Variants in TSHZ3 observed in about 807,000 individuals in gnomAD.
The protein encoded by TSHZ3 is teashirt zinc finger homeobox 3.
In TSHZ3, 10 loss-of-function variants were observed where a neutral mutation model predicts 64.5. The observed-to-expected ratio is 0.16, with a 90% CI of 0.10 to 0.26. TSHZ3 has a LOEUF of 0.26. Ranked by LOEUF, TSHZ3 falls within the 10% of genes least tolerant of loss-of-function variation. The pLI is 1.00. For missense variants in TSHZ3, 1,242 were observed against 1,421.7 expected, an observed-to-expected ratio of 0.87 and a Z score of 2.03; for synonymous variants, 608 against 593.1, an observed-to-expected ratio of 1.03 and a Z score of -0.36.
chr19:31,151,783 C>T (rs1036073470), intron 6 of TSHZ3, among the ~76,000 whole-genome samples: 2 of 152,172 alleles, frequency 1.3e-5, no homozygotes, highest in Non-Finnish European at 2.9e-5. Flanking sequence ...AAAATACACT[C>T]GTGAAATTCA....
chr19:31,228,823 C>T (rs545752004), intron 3 of TSHZ3, among the ~76,000 whole-genome samples: 5 of 152,024 alleles, frequency 3.3e-5, no homozygotes, highest in Non-Finnish European at 7.4e-5. Context: ...ATTTGTAGAC[C>T]CTGGTATTTG....
chr19:31,162,136 A>T (rs1353747659), intron 5 of TSHZ3, among the ~76,000 whole-genome samples: 1 of 152,056 alleles, frequency 6.6e-6, no homozygotes, highest in Non-Finnish European at 1.5e-5. Context: ...TGCTCCCCTG[A>T]TTTTATTCTC....
intron 5 of TSHZ3, among the ~76,000 whole-genome samples, chr19:31,171,624 C>T (rs1048365285): frequency 1.3e-5 from 2 of 151,714 alleles, no homozygotes; most frequent in African/African-American, 4.8e-5. Context: ...AAAAAAAAAC[C>T]CATAAACCTC....
rs201684921 is a variant in TSHZ3, at chr19:31,250,615, A to AT, written n.64-7741dup. Among the ~76,000 whole-genome samples, 921 of 152,224 alleles carry AT rather than the reference A, an allele frequency of 6.1e-3. 12 individuals are homozygous for AT. The highest frequency in any genetic ancestry group is 0.021 in the African/African-American group (870 of 41,522). Reference sequence around the variant, plus strand: ...CAATTCTAAGTGGAATACGCTAAGTATTTTTTTTATAATAAAACCGTTTTG... The same window carrying AT: ...CAATTCTAAGTGGAATACGCTAAGTATTTTTTTTTATAATAAAACCGTTTTG... On this transcript the variant is annotated intron_variant and non_coding_transcript_variant, in intron 1 of 6. Transcript: ENST00000651361.
At chr19:31,247,837 G>T (rs150023153) in intron 1 of TSHZ3, among the ~76,000 whole-genome samples, 2 of 147,464 alleles carry the variant, frequency 1.4e-5, no homozygotes, top group Non-Finnish European at 3.0e-5. Context: ...ATTAAAGTGC[G>T]TGTATACACA....
At position 31,203,613 on chromosome 19, in the gene TSHZ3, C is replaced by T. The variant is rs547202448; in HGVS notation, n.809+1343G>A. Among the ~76,000 whole-genome samples, 31 of 152,096 alleles carry T rather than the reference C, an allele frequency of 2.0e-4. 1 individual carries two copies. The highest frequency in any genetic ancestry group is 4.2e-4 in the South Asian group (2 of 4,808). Reference sequence around the variant, plus strand: ...TGAGTCTCAGATCCAGCCCTCGGGACGGTCACACCACACAGACCCAGTGAA... The same window carrying T: ...TGAGTCTCAGATCCAGCCCTCGGGATGGTCACACCACACAGACCCAGTGAA... On this transcript the variant is annotated intron_variant and non_coding_transcript_variant, in intron 5 of 6. Transcript: ENST00000651361.
At chr19:31,213,116 G>A (rs1975280546) in intron 4 of TSHZ3, among the ~76,000 whole-genome samples, 1 of 151,938 alleles carries the variant, frequency 6.6e-6, no homozygotes, top group South Asian at 2.1e-4. Flanking sequence ...AGCACTTTGG[G>A]AGGCGGAGGC....
Position 31,277,847 on chromosome 19 carries a change from T to A in TSHZ3, c.1946A>T (p.Glu649Val). The change falls in exon 2 of 2, where the codon GAA becomes GTA. Residue 649 changes from glutamate to valine, a missense_variant. Glu to Val is a moderately radical substitution (Grantham distance 121). Transcript: ENST00000240587. The surrounding 1 kb of genome is among the most constrained non-coding windows in gnomAD (Gnocchi z 4.5). ...CTCCATCTTGATGGGTTCCCCGACT[T>A]CGCTGCTACATGGGGAGGGAGTGGC... The part of the protein sequence containing the change: ...KRATPSPCSS[E>V]VGEPIKMEAS... The A allele has an allele frequency of 6.3e-7, 1 of 1,588,034 alleles. No individual in the cohort carries two copies. The highest frequency in any genetic ancestry group is 8.6e-7 in the Non-Finnish European group (1 of 1,168,970).
At chr19:31,265,397 C>CAAAAA (rs11432951) in intron 1 of TSHZ3, among the ~76,000 whole-genome samples, 58 of 33,950 alleles carry the variant, frequency 1.7e-3, no homozygotes, top group Middle Eastern at 0.025. Context: ...AACTCTGTCT[C>CAAAAA]AAAAAAAAAA....
chr19:31,239,064 G>GT (rs1409113288), intron 3 of TSHZ3, among the ~76,000 whole-genome samples: 1 of 152,030 alleles, frequency 6.6e-6, no homozygotes, highest in African/African-American at 2.4e-5. Context: ...ACTAAAATGT[G>GT]TTTTTTAAAT....
At chr19:31,338,168 G>A (rs934401569) in intron 1 of TSHZ3, among the ~76,000 whole-genome samples, 2 of 152,212 alleles carry the variant, frequency 1.3e-5, no homozygotes, top group Non-Finnish European at 2.9e-5. Flanking sequence ...CAGAAGAGGT[G>A]GAAAGGCCAG....
chr19:31,305,331 A>AT (rs1916264151), intron 1 of TSHZ3, among the ~76,000 whole-genome samples: 1 of 151,388 alleles, frequency 6.6e-6, no homozygotes. Context: ...AAAAAAAAAA[A>AT]GCCGCGTGTC....
At chr19:31,167,200 A>G (rs1568334866) in intron 5 of TSHZ3, among the ~76,000 whole-genome samples, 5 of 152,236 alleles carry the variant, frequency 3.3e-5, no homozygotes, top group Admixed American at 2.0e-4. Context: ...TGGTTCTGCT[A>G]AAGTAATTTA....
rs2021608789 is a variant in TSHZ3 at position 31,348,981 on chromosome 19, G to A, written c.40+199C>T. 11 of 621,436 alleles carry A rather than the reference G, an allele frequency of 1.8e-5. No homozygotes were observed. The South Asian group carries it at 2.5e-4, about 14-fold the overall frequency. 38.5% of individuals were successfully genotyped at this position (621,436 alleles called of 1,614,324 possible). On this transcript the variant is annotated intron_variant, in intron 1 of 1. Transcript: ENST00000240587. ...CTCCCCAAATGGGTGCGAGAGGGAA[G>A]AGGGCAGAGCGCGGCGGGGCGTCCG...
chr19:31,292,553 A>G (rs1222450453), intron 1 of TSHZ3, among the ~76,000 whole-genome samples: 1 of 152,164 alleles, frequency 6.6e-6, no homozygotes, highest in East Asian at 1.9e-4. Context: ...AGGTAAATGG[A>G]TGGCTAACAT....
At chr19:31,251,042 CAGT>C (rs1182567692) in intron 1 of TSHZ3, among the ~76,000 whole-genome samples, 6 of 152,204 alleles carry the variant, frequency 3.9e-5, no homozygotes, top group African/African-American at 7.2e-5. Context: ...CCACCAAACA[CAGT>C]AGAAGGTTCT....
At chr19:31,230,399 A>G (rs531162340) in intron 3 of TSHZ3, among the ~76,000 whole-genome samples, 3 of 152,280 alleles carry the variant, frequency 2.0e-5, no homozygotes, top group African/African-American at 7.2e-5. Context: ...CTGGGCGGCA[A>G]AAGTGTTGGT....
downstream of TSHZ3, among the ~76,000 whole-genome samples, chr19:31,273,482 C>T (rs374565956): frequency 6.6e-5 from 10 of 152,230 alleles, no homozygotes; most frequent in East Asian, 1.9e-3. Flanking sequence ...CTGTCAAGAG[C>T]GGGGTTCCAC....
At chr19:31,216,050 A>G (rs1443332145) in intron 4 of TSHZ3, among the ~76,000 whole-genome samples, 2 of 150,150 alleles carry the variant, frequency 1.3e-5, no homozygotes, top group Non-Finnish European at 3.0e-5. Flanking sequence ...AAACCATACA[A>G]TGCAATTACT....
Sources: allele counts gnomAD v4.1 joint callset (sites outside exome capture counted in the v4.1 genomes callset), GRCh38; gene constraint gnomAD v4.1.1; non-coding constraint Gnocchi (gnomAD v3.1); transcripts MANE v1.5; gene names NCBI Gene and HGNC (gene_info 2026-07-23, HGNC 2026-07-21).